MEF2A: variants seen among roughly 807,000 people sequenced by gnomAD.
MEF2A encodes myocyte-specific enhancer factor 2A.
A neutral mutation model predicts 55.8 loss-of-function variants in MEF2A; 28 were observed. That is an observed-to-expected ratio of 0.50 (90% confidence interval 0.37 to 0.69). MEF2A has a LOEUF of 0.69. Among genes scored for constraint, MEF2A ranks in the 30% least tolerant of loss-of-function variants. The pLI is 0.00. For synonymous variants in MEF2A, 239 were observed against 227.1 expected (o/e 1.05, Z -0.47); for missense variants, 528 against 626.2 (o/e 0.84, Z 1.67).
At chr15:99,634,620 A>G (rs2043458261) in intron 3 of MEF2A, among the ~76,000 whole-genome samples, 1 of 152,232 alleles carries the variant, frequency 6.6e-6, no homozygotes, top group African/African-American at 2.4e-5. Context: ...ACATAGCTAA[A>G]CTGGACCTAC....
chr15:99,684,182 T>C (rs2053784387), intron 7 of MEF2A, among the ~76,000 whole-genome samples: 1 of 151,430 alleles, frequency 6.6e-6, no homozygotes, highest in East Asian at 1.9e-4. Context: ...GCTATAAACA[T>C]GTGTGCGCAA....
At chr15:99,574,625 G>A (rs886769612) in intron 1 of MEF2A, among the ~76,000 whole-genome samples, 2 of 152,154 alleles carry the variant, frequency 1.3e-5, no homozygotes, top group Non-Finnish European at 2.9e-5. Context: ...TTGTGCTTCT[G>A]TGATAATTAA....
chr15:99,642,600 G>C lies in MEF2A; in HGVS notation c.55-2961G>C, dbSNP rs145947402. Among the ~76,000 whole-genome samples, 16 of 152,144 alleles carry C rather than the reference G, an allele frequency of 1.1e-4. No homozygotes were observed. The East Asian group carries it at 2.9e-3, about 28-fold the overall frequency. ...CATTTTAGATCTGTTATCTCTGACA[G>C]TTTTTGGCAATTATATTAAGTATGA... On this transcript the variant is annotated intron_variant, in intron 3 of 11. Transcript: ENST00000557942.
intron 8 of MEF2A, among the ~76,000 whole-genome samples, chr15:99,697,099 AAAG>A (rs2056596062): frequency 3.3e-5 from 5 of 152,180 alleles, no homozygotes; most frequent in African/African-American, 4.8e-5. Flanking sequence ...GGAACTTAAT[AAAG>A]AGCATCTACA....
chr15:99,609,599 T>C (rs970752644), intron 2 of MEF2A, among the ~76,000 whole-genome samples: 1 of 152,216 alleles, frequency 6.6e-6, no homozygotes, highest in Non-Finnish European at 1.5e-5. Context: ...ACCTTAGTCA[T>C]TTTCCATAAA....
intron 2 of MEF2A, among the ~76,000 whole-genome samples, chr15:99,617,450 T>C (rs1052441578): frequency 1.7e-4 from 26 of 152,176 alleles, no homozygotes; most frequent in African/African-American, 6.3e-4. Flanking sequence ...AGAGAAAGAA[T>C]ATTTATGATT....
At chr15:99,644,392 T>C (rs1202831580) in intron 3 of MEF2A, among the ~76,000 whole-genome samples, 2 of 152,220 alleles carry the variant, frequency 1.3e-5, no homozygotes, top group Non-Finnish European at 2.9e-5. Flanking sequence ...ACATGTGAAA[T>C]GAATTTTGTT....
At chr15:99,642,084 T>G (rs2153460994) in intron 3 of MEF2A, among the ~76,000 whole-genome samples, 1 of 152,274 alleles carries the variant, frequency 6.6e-6, no homozygotes, top group South Asian at 2.1e-4. Context: ...TTTGAAAATG[T>G]TTATTGTCTT....
chr15:99,672,064 C>A (rs2050983717), intron 5 of MEF2A, among the ~76,000 whole-genome samples: 1 of 152,120 alleles, frequency 6.6e-6, no homozygotes, highest in Non-Finnish European at 1.5e-5. Context: ...CATATGTGTT[C>A]TTAAATAGAT....
At chr15:99,594,386 C>G (rs1313422092) in intron 1 of MEF2A, among the ~76,000 whole-genome samples, 1 of 151,794 alleles carries the variant, frequency 6.6e-6, no homozygotes, top group Non-Finnish European at 1.5e-5. Context: ...CATCCTCTAT[C>G]TGGTTGTGCT....
intron 3 of MEF2A, among the ~76,000 whole-genome samples, chr15:99,635,221 G>C (rs933118654): frequency 2.0e-5 from 3 of 152,188 alleles, no homozygotes; most frequent in Non-Finnish European, 4.4e-5. Context: ...TGATGGAGTG[G>C]TTTAGGGACT....
chr15:99,703,282 GT>G (rs34131461), intron 8 of MEF2A, 79 bp from the exon 9 acceptor site: 1,081,389 of 1,436,974 alleles, frequency 0.75, 417,230 homozygotes, highest in Middle Eastern at 0.87. Context: ...GTCCAAATAT[GT>G]TTTTTCTAAA....
intron 8 of MEF2A, among the ~76,000 whole-genome samples, chr15:99,691,700 GA>G (rs911880123): frequency 2.1e-5 from 3 of 145,688 alleles, no homozygotes; most frequent in Admixed American, 6.8e-5. Context: ...TCTGTCTCAA[GA>G]AAAAAAAAAG....
chr15:99,597,960 T>A (rs892196934), intron 1 of MEF2A, among the ~76,000 whole-genome samples: 1 of 152,236 alleles, frequency 6.6e-6, no homozygotes, highest in African/African-American at 2.4e-5. Flanking sequence ...ACACATTGTA[T>A]TGAAATACAG....
chr15:99,701,111 T>C (rs1051110393), intron 8 of MEF2A, among the ~76,000 whole-genome samples: 2 of 152,156 alleles, frequency 1.3e-5, no homozygotes, highest in African/African-American at 2.4e-5. Context: ...GAATGTCTCT[T>C]CCCCAATATT....
At chr15:99,654,577 A>AT (rs2047383265) in intron 4 of MEF2A, among the ~76,000 whole-genome samples, 1 of 139,520 alleles carries the variant, frequency 7.2e-6, no homozygotes, top group Admixed American at 7.3e-5. Flanking sequence ...TAAATTAAAA[A>AT]AAAAGGGGGG....
At chr15:99,635,701 A>G (rs1567281435) in intron 3 of MEF2A, among the ~76,000 whole-genome samples, 1 of 152,206 alleles carries the variant, frequency 6.6e-6, no homozygotes, top group South Asian at 2.1e-4. Flanking sequence ...TCTTTCGCAC[A>G]ATATTACATT....
chr15:99,616,664 T>A (rs2040236093), intron 2 of MEF2A, among the ~76,000 whole-genome samples: 1 of 151,920 alleles, frequency 6.6e-6, no homozygotes, highest in South Asian at 2.1e-4. Flanking sequence ...TAGTCTTAGG[T>A]ATATACTAAA....
chr15:99,676,561 G>C (rs914936983), intron 7 of MEF2A, among the ~76,000 whole-genome samples: 2 of 144,094 alleles, frequency 1.4e-5, no homozygotes, highest in Non-Finnish European at 3.1e-5. Context: ...TCTTACAGAT[G>C]CATCATACAG....
Sources: gnomAD v4.1 joint callset for allele counts (sites outside exome capture counted in the v4.1 genomes callset) on GRCh38, gnomAD v4.1.1 for gene constraint, MANE v1.5 for transcripts, NCBI Gene and HGNC (gene_info 2026-07-23, HGNC 2026-07-21) for gene names.